Variants in CRYBG1 observed in about 807,000 individuals in gnomAD.
CRYBG1 encodes the protein crystallin beta-gamma domain containing 1, also known as beta/gamma crystallin domain-containing protein 1.
A neutral mutation model predicts 189.2 loss-of-function variants in CRYBG1; 139 were observed. That is an observed-to-expected ratio of 0.73 (90% confidence interval 0.64 to 0.85). The LOEUF is 0.85. CRYBG1 is among the 40% of genes least tolerant of loss of function. CRYBG1 has a pLI of 0.00. For synonymous variants in CRYBG1, 1,023 were observed against 1,017.1 expected (o/e 1.01, Z -0.11); for missense variants, 2,611 against 2,675.8 (o/e 0.98, Z 0.53).
intron 1 of CRYBG1, among the ~76,000 whole-genome samples, chr6:106,377,615 A>AG (rs56288614): frequency 0.95 from 138,662 of 145,424 alleles, 66,248 homozygotes; most frequent in East Asian, 1. Flanking sequence ...CATAAGTCCT[A>AG]AGGTTTTATA....
At chr6:106,523,726 AT>A (rs1773663057) in intron 4 of CRYBG1, among the ~76,000 whole-genome samples, 1 of 92,422 alleles carries the variant, frequency 1.1e-5, no homozygotes, top group African/African-American at 3.2e-5. Flanking sequence ...GGGGGCCCTT[AT>A]GGCCTTTTTT....
At chr6:106,399,902 C>A (rs1770689424) in intron 1 of CRYBG1, among the ~76,000 whole-genome samples, 1 of 151,926 alleles carries the variant, frequency 6.6e-6, no homozygotes, top group Non-Finnish European at 1.5e-5. Flanking sequence ...TTTGGGAAGC[C>A]AAGGCAGGCA....
chr6:106,451,552 C>A (rs115328168), intron 1 of CRYBG1, 142 bp from the exon 2 acceptor site: 2 of 804,678 alleles, frequency 2.5e-6, no homozygotes, highest in Non-Finnish European at 3.6e-6. Flanking sequence ...TTATCTACAA[C>A]GCCGTGTAGG....
chr6:106,382,669 A>G (rs1208820714), intron 1 of CRYBG1, among the ~76,000 whole-genome samples: 2 of 152,190 alleles, frequency 1.3e-5, no homozygotes, highest in Non-Finnish European at 2.9e-5. Flanking sequence ...AAAGAATGTA[A>G]TCTCTGTTAG....
chr6:106,409,841 A>AC (rs1301824993), intron 1 of CRYBG1, among the ~76,000 whole-genome samples: 10 of 152,210 alleles, frequency 6.6e-5, no homozygotes, highest in Non-Finnish European at 1.0e-4. Flanking sequence ...CTGAATCTGT[A>AC]CCCCTTCCTT....
At chr6:106,408,000 A>G (rs1208919691) in intron 1 of CRYBG1, among the ~76,000 whole-genome samples, 3 of 152,218 alleles carry the variant, frequency 2.0e-5, no homozygotes, top group Non-Finnish European at 4.4e-5. Flanking sequence ...AAAAGCTAGC[A>G]GAAGACAAGA....
At chr6:106,482,249 T>C in intron 2 of CRYBG1, among the ~76,000 whole-genome samples, 1 of 152,242 alleles carries the variant, frequency 6.6e-6, no homozygotes, top group South Asian at 2.1e-4. Context: ...CTTCAAATCT[T>C]CACCTCTTTC....
intron 13 of CRYBG1, among the ~76,000 whole-genome samples, chr6:106,546,320 G>A (rs1201680271): frequency 6.6e-6 from 1 of 152,200 alleles, no homozygotes; most frequent in South Asian, 2.1e-4. Flanking sequence ...ATAAGTGAGA[G>A]TATTCTCAAA....
At chr6:106,396,730 G>A (rs1202800965) in intron 1 of CRYBG1, among the ~76,000 whole-genome samples, 2 of 152,212 alleles carry the variant, frequency 1.3e-5, no homozygotes, top group African/African-American at 4.8e-5. Context: ...TGCCCAGGCT[G>A]GGGTGCAGTG....
At chr6:106,482,839 G>T (rs1313898061) in intron 2 of CRYBG1, among the ~76,000 whole-genome samples, 1 of 150,098 alleles carries the variant, frequency 6.7e-6, no homozygotes, top group Non-Finnish European at 1.5e-5. Context: ...AATATTTTTG[G>T]GCCAACAGTC....
intron 1 of CRYBG1, 31 bp downstream of exon 1, chr6:106,361,112 ACCT>A (rs748504502): frequency 4.4e-4 from 662 of 1,515,420 alleles, no homozygotes; most frequent in Admixed American, 1.0e-3. Context: ...CTCCAGTCCC[ACCT>A]CCTCCTCCTC....
intron 2 of CRYBG1, among the ~76,000 whole-genome samples, chr6:106,509,657 G>T (rs1239679055): frequency 6.6e-6 from 1 of 151,906 alleles, no homozygotes; most frequent in East Asian, 1.9e-4. Context: ...GGGGGTGGGT[G>T]ACCCGTAGTC....
chr6:106,361,972 T>TCTTTCTTTCTTTCTTTCTTTCCTTCTTTC (rs71006681), intron 1 of CRYBG1, among the ~76,000 whole-genome samples: 3 of 120,922 alleles, frequency 2.5e-5, no homozygotes, highest in African/African-American at 1.1e-4. Context: ...TTTCTTTCTT[T>TCTTTCTTTCTTTCTTTCTTTCCTTCTTTC]TTTTTTTTTT....
chr6:106,440,995 A>G (rs371238115), intron 1 of CRYBG1, among the ~76,000 whole-genome samples: 3 of 152,202 alleles, frequency 2.0e-5, no homozygotes, highest in Non-Finnish European at 2.9e-5. Flanking sequence ...TTTCAGCTAC[A>G]TGAAATTGAC....
chr6:106,432,490 T>G (rs1771348523), intron 1 of CRYBG1, among the ~76,000 whole-genome samples: 1 of 148,700 alleles, frequency 6.7e-6, no homozygotes, highest in Non-Finnish European at 1.5e-5. Context: ...GGTACAAAGA[T>G]GAAAGATGAC....
intron 1 of CRYBG1, among the ~76,000 whole-genome samples, chr6:106,438,269 C>T (rs865970146): frequency 2.6e-5 from 4 of 152,220 alleles, no homozygotes; most frequent in Non-Finnish European, 5.9e-5. Context: ...CTGTGTTAAA[C>T]GTTGCCCTCT....
intron 8 of CRYBG1, among the ~76,000 whole-genome samples, chr6:106,534,468 AGATGT>A (rs1391129793): frequency 1.3e-5 from 2 of 152,206 alleles, no homozygotes; most frequent in African/African-American, 4.8e-5. Context: ...GGGGTTGAGA[AGATGT>A]CACTGATAGT....
At chr6:106,475,465 A>G (rs1041593541) in intron 2 of CRYBG1, among the ~76,000 whole-genome samples, 1 of 152,198 alleles carries the variant, frequency 6.6e-6, no homozygotes, top group Non-Finnish European at 1.5e-5. Context: ...TGCTGTGTGA[A>G]TCAGAGTTGG....
At chr6:106,465,615 G>GA (rs998298613) in intron 2 of CRYBG1, among the ~76,000 whole-genome samples, 4 of 152,076 alleles carry the variant, frequency 2.6e-5, no homozygotes, top group East Asian at 1.9e-4. Context: ...TGTACTGCTG[G>GA]AAAAAAATCT....
Sources: gnomAD v4.1 joint callset for allele counts (sites outside exome capture counted in the v4.1 genomes callset) on GRCh38, gnomAD v4.1.1 for gene constraint, MANE v1.5 for transcripts, NCBI Gene and HGNC (gene_info 2026-07-23, HGNC 2026-07-21) for gene names.